SYN3: variants seen among roughly 807,000 people sequenced by gnomAD.
The protein encoded by SYN3 is synapsin III.
Under a neutral mutation model 65.8 loss-of-function variants are expected in SYN3, and 35 were observed. That is an observed-to-expected ratio of 0.53 (90% CI 0.41 to 0.70). The LOEUF is 0.70. SYN3 is among the 30% of genes least tolerant of loss of function. The probability of loss-of-function intolerance (pLI) is 0.00; values close to 1 mark genes in which losing one functional copy is unlikely to be tolerated. For synonymous variants in SYN3, 270 were observed against 292.9 expected (o/e 0.92, Z 0.80); for missense variants, 680 against 749.0 (o/e 0.91, Z 1.08).
Position 32,509,629 on chromosome 22 carries a change from T to A in SYN3, c.*4063A>T, listed in dbSNP as rs112820650. Among the ~76,000 whole-genome samples, 504 of 151,878 alleles carry A rather than the reference T, an allele frequency of 3.3e-3. 4 individuals carry two copies. The highest frequency in any genetic ancestry group is 0.012 in the African/African-American group (479 of 41,302). On this transcript the variant is annotated 3_prime_UTR_variant, in exon 14 of 14. Coordinates refer to ENST00000358763, the MANE Select transcript of SYN3 (RefSeq NM_003490.4). ...TGTTGCCCAGGCTGGAGTGCAGTGGTGCGATCTCGGCTCACTGCAAGCTCC... is the reference window on the plus strand; with the variant it reads ...TGTTGCCCAGGCTGGAGTGCAGTGGAGCGATCTCGGCTCACTGCAAGCTCC...
At chr22:32,791,998 T>C (rs182475139) in intron 6 of SYN3, among the ~76,000 whole-genome samples, 202 of 152,308 alleles carry the variant, frequency 1.3e-3, no homozygotes, top group Non-Finnish European at 2.4e-3. Flanking sequence ...TATAGGCTAC[T>C]TGAGGGCAGG....
chr22:32,545,192 C>A (rs973753020), intron 7 of SYN3, among the ~76,000 whole-genome samples: 1 of 152,188 alleles, frequency 6.6e-6, no homozygotes, highest in African/African-American at 2.4e-5. Flanking sequence ...CATGGATGAT[C>A]AGTAAGATGG....
intron 2 of SYN3, among the ~76,000 whole-genome samples, chr22:32,993,416 C>G (rs763918281): frequency 6.6e-6 from 1 of 152,142 alleles, no homozygotes; most frequent in Admixed American, 6.5e-5. Flanking sequence ...ATTGCAGTGG[C>G]GCGATCTCGG....
intron 9 of SYN3, among the ~76,000 whole-genome samples, chr22:32,537,449 G>A (rs1050832749): frequency 4.6e-5 from 7 of 152,124 alleles, no homozygotes; most frequent in African/African-American, 1.2e-4. Flanking sequence ...GTGAGCCACC[G>A]CACCCGGCCG....
intron 13 of SYN3, among the ~76,000 whole-genome samples, chr22:32,516,069 A>T (rs1003705589): frequency 6.6e-6 from 1 of 152,142 alleles, no homozygotes; most frequent in Non-Finnish European, 1.5e-5. Flanking sequence ...AAGTGTTGGG[A>T]TTACAGGCAT....
At chr22:32,931,910 T>A (rs2050644730) in intron 3 of SYN3, among the ~76,000 whole-genome samples, 1 of 98,924 alleles carries the variant, frequency 1.0e-5, no homozygotes, top group Admixed American at 1.1e-4. Flanking sequence ...TGCTGTTTGA[T>A]GGGACATTTT....
At chr22:32,565,098 C>T (rs528617955) in intron 7 of SYN3, among the ~76,000 whole-genome samples, 13 of 150,266 alleles carry the variant, frequency 8.7e-5, no homozygotes, top group Middle Eastern at 3.6e-3. Flanking sequence ...ACAGTGCTCC[C>T]GGACTGCACC....
chr22:32,803,939 C>A (rs1366090956), intron 6 of SYN3, among the ~76,000 whole-genome samples: 1 of 152,150 alleles, frequency 6.6e-6, no homozygotes, highest in African/African-American at 2.4e-5. Context: ...AAAGTGAAAA[C>A]AAGCATGAGT....
intron 4 of SYN3, among the ~76,000 whole-genome samples, chr22:32,929,414 T>C (rs1166856827): frequency 6.6e-6 from 1 of 152,234 alleles, no homozygotes; most frequent in Non-Finnish European, 1.5e-5. Context: ...ATAATTCTAA[T>C]GTCTTCTGTC....
At chr22:32,617,568 T>C (rs1008667141) in intron 6 of SYN3, among the ~76,000 whole-genome samples, 7 of 151,426 alleles carry the variant, frequency 4.6e-5, no homozygotes, top group Admixed American at 2.6e-4. Flanking sequence ...GGATGAATGA[T>C]GGGGAAGCGG....
At chr22:33,026,386 A>C (rs1485594954) in intron 1 of SYN3, among the ~76,000 whole-genome samples, 1 of 152,162 alleles carries the variant, frequency 6.6e-6, no homozygotes, top group African/African-American at 2.4e-5. Context: ...TCACTTTTCC[A>C]AAACCAGCCA....
At chr22:32,621,175 A>G (rs1393450603) in intron 6 of SYN3, among the ~76,000 whole-genome samples, 1 of 152,182 alleles carries the variant, frequency 6.6e-6, no homozygotes, top group South Asian at 2.1e-4. Context: ...GAGCAGCTCC[A>G]GTCAGGGAAG....
intron 4 of SYN3, among the ~76,000 whole-genome samples, chr22:32,903,768 A>G (rs1368145091): frequency 6.6e-6 from 1 of 152,218 alleles, no homozygotes; most frequent in Non-Finnish European, 1.5e-5. Context: ...CATAGCTGGC[A>G]GGGGCAATCG....
intron 4 of SYN3, among the ~76,000 whole-genome samples, chr22:32,874,216 G>T (rs548807956): frequency 6.6e-6 from 1 of 152,204 alleles, no homozygotes; most frequent in African/African-American, 2.4e-5. Context: ...GCCCCACTGA[G>T]CCCAAGACCT....
At chr22:32,941,177 C>T (rs1460253701) in intron 3 of SYN3, among the ~76,000 whole-genome samples, 1 of 152,136 alleles carries the variant, frequency 6.6e-6, no homozygotes, top group Non-Finnish European at 1.5e-5. Flanking sequence ...TTAGTATGGT[C>T]AGCTGGTTGA....
intron 2 of SYN3, among the ~76,000 whole-genome samples, chr22:32,989,958 A>T (rs1053416824): frequency 1.3e-5 from 2 of 152,050 alleles, no homozygotes; most frequent in African/African-American, 4.8e-5. Flanking sequence ...TTCATACCAC[A>T]GAAAGGGTTA....
intron 1 of SYN3, among the ~76,000 whole-genome samples, chr22:33,057,230 A>T (rs1601976982): frequency 6.6e-6 from 1 of 152,182 alleles, no homozygotes; most frequent in South Asian, 2.1e-4. Flanking sequence ...CACTGATCAG[A>T]ATTCTTCCAC....
At chr22:32,819,543 A>G (rs970153535) in intron 6 of SYN3, among the ~76,000 whole-genome samples, 1 of 152,184 alleles carries the variant, frequency 6.6e-6, no homozygotes, top group Non-Finnish European at 1.5e-5. Context: ...ACACAGGTTT[A>G]TGGAGCACCT....
chr22:32,967,673 A>G (rs2051887852), intron 3 of SYN3, among the ~76,000 whole-genome samples: 2 of 152,224 alleles, frequency 1.3e-5, no homozygotes, highest in African/African-American at 4.8e-5. Flanking sequence ...CCTTTGGTTC[A>G]TTCCAGTTTT....
Sources: allele counts gnomAD v4.1 joint callset (sites outside exome capture counted in the v4.1 genomes callset), GRCh38; gene constraint gnomAD v4.1.1; transcripts MANE v1.5; gene names NCBI Gene and HGNC (gene_info 2026-07-23, HGNC 2026-07-21).